Variants in ZNF407 observed in about 807,000 individuals in gnomAD.
The protein encoded by ZNF407 is zinc finger protein 407.
A neutral mutation model predicts 131.2 loss-of-function variants in ZNF407; 17 were observed. The observed-to-expected ratio is 0.13, with a 90% CI of 0.09 to 0.19. The LOEUF (loss-of-function observed/expected upper bound fraction) is 0.19, where lower values mean the gene tolerates loss of function less well. ZNF407 is among the 10% of genes least tolerant of loss of function. ZNF407 has a pLI of 1.00. For synonymous variants in ZNF407, 1,156 were observed against 1,062.0 expected, an observed-to-expected ratio of 1.09 and a Z score of -1.72; for missense variants, 2,681 against 2,830.6, an observed-to-expected ratio of 0.95 and a Z score of 1.20.
chr18:75,062,821 T>G, intron 8 of ZNF407: 2 of 217,032 alleles, frequency 9.2e-6, no homozygotes, highest in Non-Finnish European at 1.8e-5. Context: ...AAAGACATGA[T>G]GGTGGTTGGG....
intron 6 of ZNF407, among the ~76,000 whole-genome samples, chr18:74,883,741 C>G (rs976390229): frequency 6.6e-6 from 1 of 152,214 alleles, no homozygotes; most frequent in East Asian, 1.9e-4. Flanking sequence ...GAGCACCGCA[C>G]TATGACGACA....
At chr18:74,878,851 T>A (rs953129553) in intron 5 of ZNF407, among the ~76,000 whole-genome samples, 14 of 151,144 alleles carry the variant, frequency 9.3e-5, no homozygotes, top group African/African-American at 2.9e-4. Context: ...AAACACTCTG[T>A]TTGGCTGCTG....
At position 74,781,516 on chromosome 18, in the gene ZNF407, T is replaced by A; in HGVS notation, c.4877+14T>A. ...CCCAAAAGAAAGGTAATTTTCATTCTTTTTTTTTCATTTAAAAATACAATT... is the reference window on the plus strand; with the variant it reads ...CCCAAAAGAAAGGTAATTTTCATTCATTTTTTTTCATTTAAAAATACAATT... On this transcript the variant is annotated intron_variant, in intron 4 of 8. Transcript: ENST00000299687. 1 of 1,446,726 alleles carries A rather than the reference T, an allele frequency of 6.9e-7. No individual in the cohort carries two copies. The highest frequency in any genetic ancestry group is 9.2e-7 in the Non-Finnish European group (1 of 1,089,258). 89.6% of individuals were successfully genotyped at this position (1,446,726 alleles called of 1,614,324 possible).
chr18:74,949,641 C>T (rs964210802), intron 8 of ZNF407, among the ~76,000 whole-genome samples: 12 of 152,326 alleles, frequency 7.9e-5, no homozygotes, highest in South Asian at 4.1e-4. Context: ...TTTCTGAATT[C>T]CCAGGTTAAG....
chr18:74,624,124 C>T (rs1374727357), intron 1 of ZNF407, among the ~76,000 whole-genome samples: 1 of 152,148 alleles, frequency 6.6e-6, no homozygotes, highest in Non-Finnish European at 1.5e-5. Flanking sequence ...ATCACGCCTT[C>T]CTCTGAGAGC....
At chr18:74,932,932 T>C (rs1196816371) in intron 8 of ZNF407, among the ~76,000 whole-genome samples, 2 of 152,212 alleles carry the variant, frequency 1.3e-5, no homozygotes, top group East Asian at 3.8e-4. Context: ...GGAACCCTTA[T>C]GCGCTGCTGA....
chr18:74,831,325 C>T (rs1392884630), intron 4 of ZNF407, among the ~76,000 whole-genome samples: 1 of 152,184 alleles, frequency 6.6e-6, no homozygotes, highest in Non-Finnish European at 1.5e-5. Flanking sequence ...AGTACACTGA[C>T]ATTATTGCAC....
chr18:74,778,209 C>T (rs776990984), intron 3 of ZNF407, among the ~76,000 whole-genome samples: 1 of 152,134 alleles, frequency 6.6e-6, no homozygotes, highest in South Asian at 2.1e-4. Flanking sequence ...TGTCCTCCTC[C>T]TCACTTACCA....
chr18:74,807,406 A>G (rs1456968748), intron 4 of ZNF407, among the ~76,000 whole-genome samples: 1 of 152,268 alleles, frequency 6.6e-6, no homozygotes, highest in East Asian at 1.9e-4. Flanking sequence ...TTCGTTGTGC[A>G]TGGATATTCA....
chr18:75,006,685 T>TGGAAGCCCA (rs1972914402), intron 8 of ZNF407, among the ~76,000 whole-genome samples: 1 of 152,222 alleles, frequency 6.6e-6, no homozygotes, highest in Non-Finnish European at 1.5e-5. Flanking sequence ...GTGAGCCCTT[T>TGGAAGCCCA]GATAAATGTT....
At chr18:74,600,311 G>A (rs1982524815) in intron 1 of ZNF407, among the ~76,000 whole-genome samples, 1 of 152,218 alleles carries the variant, frequency 6.6e-6, no homozygotes, top group Admixed American at 6.5e-5. Flanking sequence ...CACATCCAAG[G>A]CAATATCACG....
chr18:74,598,576 C>G (rs1982420358), intron 1 of ZNF407: 1 of 152,512 alleles, frequency 6.6e-6, no homozygotes, highest in South Asian at 2.1e-4. Flanking sequence ...CTCGCGCCTT[C>G]TTCCGTTAAG....
intron 4 of ZNF407, among the ~76,000 whole-genome samples, chr18:74,839,316 TAC>T (rs1266051130): frequency 1.3e-5 from 2 of 152,230 alleles, no homozygotes; most frequent in African/African-American, 4.8e-5. Flanking sequence ...AGAAGGTACA[TAC>T]ACACACACTG....
chr18:74,680,421 A>AC (rs1252415795), intron 3 of ZNF407, among the ~76,000 whole-genome samples: 1 of 150,790 alleles, frequency 6.6e-6, no homozygotes, highest in Non-Finnish European at 1.5e-5. Flanking sequence ...AAAAAATAGA[A>AC]CCCCCAAACA....
chr18:74,973,214 A>G (rs1214203282), intron 8 of ZNF407, among the ~76,000 whole-genome samples: 1 of 152,130 alleles, frequency 6.6e-6, no homozygotes, highest in African/African-American at 2.4e-5. Flanking sequence ...TACCAGTTTG[A>G]GCAAAGTGTA....
At chr18:74,637,955 A>T (rs1984534609) in intron 2 of ZNF407, among the ~76,000 whole-genome samples, 1 of 152,194 alleles carries the variant, frequency 6.6e-6, no homozygotes, top group Non-Finnish European at 1.5e-5. Context: ...AATCAACATG[A>T]CCAGAAAGGG....
intron 8 of ZNF407, among the ~76,000 whole-genome samples, chr18:75,043,425 G>A (rs1378319908): frequency 6.6e-6 from 1 of 152,194 alleles, no homozygotes; most frequent in Non-Finnish European, 1.5e-5. Context: ...ATATTTGGAG[G>A]CTGTTTTCCT....
chr18:75,004,956 C>G (rs1172115045), intron 8 of ZNF407, among the ~76,000 whole-genome samples: 2 of 152,208 alleles, frequency 1.3e-5, no homozygotes, highest in African/African-American at 4.8e-5. Flanking sequence ...CAGCGGTGTT[C>G]CACATTATTG....
At chr18:74,705,860 G>T (rs937417827) in intron 3 of ZNF407, among the ~76,000 whole-genome samples, 8 of 152,104 alleles carry the variant, frequency 5.3e-5, no homozygotes, top group African/African-American at 1.9e-4. Context: ...CGAAACTATG[G>T]TTACTATGTA....
Sources: allele counts gnomAD v4.1 joint callset (sites outside exome capture counted in the v4.1 genomes callset), GRCh38; gene constraint gnomAD v4.1.1; transcripts MANE v1.5; gene names NCBI Gene and HGNC (gene_info 2026-07-23, HGNC 2026-07-21).